Variants in COL5A2 observed in about 807,000 individuals in gnomAD.
The protein encoded by COL5A2 is collagen alpha-2(V) chain.
COL5A2 carries 23 observed loss-of-function variants against 208.2 expected under a neutral mutation model. The observed-to-expected ratio is 0.11, with a 90% CI of 0.08 to 0.16. The LOEUF is 0.16. Ranked by LOEUF, COL5A2 falls within the 10% of genes least tolerant of loss-of-function variation. The pLI is 1.00. For missense variants in COL5A2, 1,590 were observed against 1,956.4 expected, an observed-to-expected ratio of 0.81 and a Z score of 3.53; for synonymous variants, 625 against 628.5, an observed-to-expected ratio of 0.99 and a Z score of 0.08.
At chr2:189,195,837 C>A (rs1388212910) in intron 1 of COL5A2, among the ~76,000 whole-genome samples, 2 of 152,080 alleles carry the variant, frequency 1.3e-5, no homozygotes, top group Admixed American at 1.3e-4. Context: ...AATGTAAAAC[C>A]CAAAACCATA....
chr2:189,273,149 A>C, the COL5A2 span, among the ~76,000 whole-genome samples: 150,954 of 152,186 alleles, frequency 0.99, 74,878 homozygotes, highest in Middle Eastern at 1. Context: ...TGATGGAAAG[A>C]ATTATGATGG....
upstream of COL5A2, among the ~76,000 whole-genome samples, chr2:189,229,965 T>C (rs185598072): frequency 1.4e-4 from 21 of 151,936 alleles, no homozygotes; most frequent in East Asian, 3.9e-3. Context: ...CAATAGAGTA[T>C]GGTACTGCCA....
chr2:189,156,074 G>A (rs1688240927), intron 1 of COL5A2, among the ~76,000 whole-genome samples: 1 of 152,102 alleles, frequency 6.6e-6, no homozygotes, highest in Non-Finnish European at 1.5e-5. Flanking sequence ...GGCCCAGCTA[G>A]TTAATCCAAG....
the COL5A2 span, among the ~76,000 whole-genome samples, chr2:189,398,132 T>A: frequency 1.1e-4 from 16 of 152,276 alleles, no homozygotes; most frequent in South Asian, 2.1e-3. Context: ...CTAGTAATAA[T>A]CCAATTGTGC....
chr2:189,343,894 A>G, the COL5A2 span, among the ~76,000 whole-genome samples: 5 of 152,204 alleles, frequency 3.3e-5, no homozygotes, highest in Non-Finnish European at 5.9e-5. Flanking sequence ...AGACAAATAT[A>G]AAACGTAGAC....
At chr2:189,406,806 AAC>A in the COL5A2 span, among the ~76,000 whole-genome samples, 104 of 152,232 alleles carry the variant, frequency 6.8e-4, 1 homozygote, top group Middle Eastern at 3.4e-3. Context: ...ATGCAAGATA[AAC>A]TCTTGTCTTA....
chr2:189,274,020 G>T, the COL5A2 span, among the ~76,000 whole-genome samples: 1 of 149,990 alleles, frequency 6.7e-6, no homozygotes, highest in South Asian at 2.1e-4. Context: ...AAAAAAAAAT[G>T]ATAAGAATGT....
intron 1 of COL5A2, among the ~76,000 whole-genome samples, chr2:189,209,031 C>T (rs1282539723): frequency 1.3e-5 from 2 of 152,184 alleles, no homozygotes; most frequent in African/African-American, 2.4e-5. Flanking sequence ...GCCCCTTCTT[C>T]CAAGTCTGAG....
chr2:189,202,134 T>C (rs1375953388), intron 1 of COL5A2, among the ~76,000 whole-genome samples: 6 of 151,888 alleles, frequency 4.0e-5, no homozygotes, highest in Non-Finnish European at 7.4e-5. Flanking sequence ...ATACCTAGGA[T>C]AATAATTAAA....
intron 18 of COL5A2, among the ~76,000 whole-genome samples, chr2:189,070,008 G>A (rs1341324434): frequency 6.6e-6 from 1 of 152,180 alleles, no homozygotes; most frequent in African/African-American, 2.4e-5. Context: ...AGAGCAGAGT[G>A]AAGTGGTTAA....
At position 189,175,516 on chromosome 2, in the gene COL5A2, A is replaced by T. The variant is rs559819365; in HGVS notation, c.97+3992T>A. 4.0e-5 allele frequency among the ~76,000 whole-genome samples: 6 copies of T among 151,726 alleles called. No homozygotes were observed. In the East Asian group the frequency reaches 1.2e-3, roughly 29 times the overall value. The stretch of plus-strand genomic sequence containing the variant: ...GCCAGCCTTTCACTACCTGCTTAAA[A>T]GCATTTCTTTATATTTAAAAAAGAA... On this transcript the variant is annotated intron_variant, in intron 1 of 53. Coordinates refer to ENST00000374866, the MANE Select transcript of COL5A2 (RefSeq NM_000393.5).
At chr2:189,327,608 G>A in the COL5A2 span, among the ~76,000 whole-genome samples, 11 of 152,280 alleles carry the variant, frequency 7.2e-5, no homozygotes, top group African/African-American at 2.6e-4. Flanking sequence ...AATCAAATTT[G>A]ATGATGAATC....
intron 40 of COL5A2, 150 bp downstream of exon 40, chr2:189,052,599 G>T: frequency 1.2e-6 from 1 of 831,176 alleles, no homozygotes; most frequent in Non-Finnish European, 2.0e-6. Flanking sequence ...ATCTCCATCT[G>T]AGTTAAGTGC....
chr2:189,061,501 T>TAA, intron 30 of COL5A2, 61 bp downstream of exon 30: 4 of 1,230,158 alleles, frequency 3.3e-6, no homozygotes, highest in Non-Finnish European at 4.8e-6. Flanking sequence ...ATCTTTTTTT[T>TAA]TAAAAAAAAA....
chr2:189,439,126 A>G, the COL5A2 span, among the ~76,000 whole-genome samples: 3 of 152,218 alleles, frequency 2.0e-5, no homozygotes, highest in South Asian at 2.1e-4. Flanking sequence ...CTGAAAACCC[A>G]TAATAAAGGT....
chr2:189,416,974 A>G, the COL5A2 span, among the ~76,000 whole-genome samples: 3 of 152,164 alleles, frequency 2.0e-5, no homozygotes, highest in South Asian at 6.2e-4. Context: ...TAAATCTTTC[A>G]TATGTTCACT....
At chr2:189,354,689 G>T in the COL5A2 span, among the ~76,000 whole-genome samples, 3 of 151,814 alleles carry the variant, frequency 2.0e-5, no homozygotes, top group African/African-American at 7.3e-5. Flanking sequence ...TATTAGTCTT[G>T]CTGGCATTCT....
the COL5A2 span, among the ~76,000 whole-genome samples, chr2:189,412,387 C>A: frequency 6.6e-6 from 1 of 152,120 alleles, no homozygotes. Flanking sequence ...GATCTTTTTG[C>A]ATTTATTTAT....
At chr2:189,118,678 C>T (rs186595079) in intron 1 of COL5A2, among the ~76,000 whole-genome samples, 283 of 152,254 alleles carry the variant, frequency 1.9e-3, no homozygotes, top group African/African-American at 6.2e-3. Context: ...ATTATTCCCT[C>T]TGGAGCTCAG....
Sources: allele counts gnomAD v4.1 joint callset (sites outside exome capture counted in the v4.1 genomes callset), GRCh38; gene constraint gnomAD v4.1.1; transcripts MANE v1.5; gene names NCBI Gene and HGNC (gene_info 2026-07-23, HGNC 2026-07-21).